CHMP4B: variants seen among roughly 807,000 people sequenced by gnomAD.
CHMP4B encodes the protein charged multivesicular body protein 4B, also known as SNF7 homolog associated with Alix 1.
CHMP4B carries 1 observed loss-of-function variant against 25.1 expected under a neutral mutation model. The ratio of observed to expected loss-of-function variants is 0.04; its 90% CI spans 0.01 to 0.19. The LOEUF (loss-of-function observed/expected upper bound fraction) is 0.19. Ranked by LOEUF, CHMP4B falls within the 10% of genes least tolerant of loss-of-function variation. The probability of loss-of-function intolerance (pLI) is 1.00; values close to 1 mark genes in which losing one functional copy is unlikely to be tolerated. For missense variants in CHMP4B, 151 were observed against 289.7 expected (o/e 0.52, Z 3.48); for synonymous variants, 101 against 115.6 (o/e 0.87, Z 0.81).
chr20:33,821,650 A>G (rs764370621), intron 1 of CHMP4B, among the ~76,000 whole-genome samples: 4 of 151,790 alleles, frequency 2.6e-5, no homozygotes, highest in African/African-American at 7.3e-5. Flanking sequence ...TAGGCTGGGT[A>G]TGGTGACTCA....
At chr20:33,814,821 CA>C (rs1486143453) in intron 1 of CHMP4B, among the ~76,000 whole-genome samples, 4 of 151,338 alleles carry the variant, frequency 2.6e-5, no homozygotes, top group African/African-American at 9.8e-5. Flanking sequence ...TAATTCAAAA[CA>C]TTTTTTTTTG....
chr20:33,852,843 A>G lies in CHMP4B; in HGVS notation c.610+640A>G, dbSNP rs181568580. ...TTGACTCCTTTAGAGACCTGATTCT[A>G]TAAAACCTTCATTTCCTCCCTTCAT... is the stretch of plus-strand genomic sequence containing the variant. On this transcript the variant is annotated intron_variant, in intron 4 of 4. Coordinates refer to ENST00000217402, the MANE Select transcript of CHMP4B (RefSeq NM_176812.5). 5.3e-5 allele frequency among the ~76,000 whole-genome samples: 8 copies of G among 152,324 alleles called. No individual in the cohort carries two copies. In the East Asian group the frequency reaches 1.5e-3, roughly 29 times the overall value.
At chr20:33,853,437 C>T (rs530638921) in intron 4 of CHMP4B, 59 bp from the exon 5 acceptor site, 13 of 1,525,942 alleles carry the variant, frequency 8.5e-6, no homozygotes, top group East Asian at 2.3e-5. Flanking sequence ...CCCTCATTTC[C>T]GGCCAGAACA....
rs377633958 is a variant in CHMP4B, at chr20:33,851,043, G to A, written c.460G>A (p.Gly154Arg). Reference sequence around the variant, plus strand: ...TTCAACAGCAATTTCGAAACCTGTAGGGTTTGGAGAAGAGTTTGACGAGGT... The same window carrying A: ...TTCAACAGCAATTTCGAAACCTGTAAGGTTTGGAGAAGAGTTTGACGAGGT... ...EISTAISKPV[G>R]FGEEFDEDEL... The change falls in exon 3 of 5, where the codon GGG (glycine) becomes AGG (arginine). Residue 154 changes from glycine to arginine, a missense_variant. Gly to Arg is a moderately radical substitution (Grantham distance 125, BLOSUM62 -2). Transcript: ENST00000217402. 6 of 1,611,126 alleles carry A rather than the reference G, an allele frequency of 3.7e-6. No individual in the cohort carries two copies. Among genetic ancestry groups the A allele is most frequent in the Non-Finnish European group, 5.1e-6 (6 of 1,177,374 alleles).
chr20:33,838,441 G>A lies in CHMP4B; in HGVS notation c.191-10026G>A, dbSNP rs573414315. ...GGCTGCTGCTCTGCTCTAGTGGATCGTTGCTAGGTGGCAGTGTGGGCTCAG... is the reference window on the plus strand; with the variant it reads ...GGCTGCTGCTCTGCTCTAGTGGATCATTGCTAGGTGGCAGTGTGGGCTCAG... On this transcript the variant is annotated intron_variant, in intron 1 of 4. Coordinates refer to ENST00000217402, the MANE Select transcript of CHMP4B (RefSeq NM_176812.5). 4.6e-5 allele frequency among the ~76,000 whole-genome samples: 7 copies of A among 152,272 alleles called. 1 individual carries two copies. In the South Asian group the frequency reaches 6.2e-4, roughly 14 times the overall value.
chr20:33,822,577 G>A (rs1978972646), intron 1 of CHMP4B, among the ~76,000 whole-genome samples: 1 of 152,232 alleles, frequency 6.6e-6, no homozygotes, highest in Non-Finnish European at 1.5e-5. Flanking sequence ...GACTTTGGGT[G>A]TCAAGTTGTA....
intron 1 of CHMP4B, among the ~76,000 whole-genome samples, chr20:33,822,490 C>G (rs1978970016): frequency 1.3e-5 from 2 of 152,170 alleles, no homozygotes; most frequent in South Asian, 4.1e-4. Context: ...TTTCATCTCT[C>G]CAAAGCATGT....
rs746793442 is a variant in CHMP4B, at chr20:33,830,933, G to GTTGTTTTTTTTTT, written c.191-17532_191-17531insGTTTTTTTTTTTT. On this transcript the variant is annotated intron_variant, in intron 1 of 4. Transcript: ENST00000217402. ...TGAATTAATTGTTCAAAGGAACAGA[G>GTTGTTTTTTTTTT]TTTTTTTTTTTTTTTTAGTTTTTTT... Among the ~76,000 whole-genome samples, 50 of 102,572 alleles carry GTTGTTTTTTTTTT rather than the reference G, an allele frequency of 4.9e-4. 1 individual carries two copies. The highest frequency in any genetic ancestry group is 1.8e-3 in the African/African-American group (50 of 27,434). The allele number at this position is 102,572 out of a possible 152,430, so 67.3% of individuals were successfully genotyped here. A position where few individuals can be genotyped will look rare whatever the true frequency, so the allele number is the denominator to read the frequency against.
In CHMP4B at chr20:33,851,004, C is replaced by G. The variant is rs942721583; in HGVS notation, c.421C>G (p.Leu141Val). The change falls in exon 3 of 5, where the codon CTT becomes GTT. Residue 141 changes from leucine to valine, a missense_variant. Physicochemically the swap from Leu to Val is conservative, Grantham distance 32. Around this residue, in one of 3 missense-constraint regions of CHMP4B, gnomAD observed 82 missense variants for 208.3 expected, o/e 0.39. Coordinates refer to ENST00000217402, the MANE Select transcript of CHMP4B (RefSeq NM_176812.5). The stretch of plus-strand genomic sequence containing the variant: ...GCAGGACATTGCTGACCAGCAAGAA[C>G]TTGCAGAGGAGATTTCAACAGCAAT... ...LMQDIADQQE[L>V]AEEISTAISK... The G allele has an allele frequency of 2.5e-6, 4 of 1,614,072 alleles. No individual in the cohort carries two copies. In the African/African-American group the frequency reaches 5.3e-5, roughly 22 times the overall value.
intron 1 of CHMP4B, among the ~76,000 whole-genome samples, chr20:33,813,633 G>T (rs997542682): frequency 1.3e-5 from 2 of 152,166 alleles, no homozygotes; most frequent in Non-Finnish European, 2.9e-5. Flanking sequence ...TTAGCTTTCT[G>T]CATTTTGGAA....
intron 1 of CHMP4B, among the ~76,000 whole-genome samples, chr20:33,836,418 A>G (rs1979392841): frequency 6.6e-6 from 1 of 151,634 alleles, no homozygotes; most frequent in Non-Finnish European, 1.5e-5. Flanking sequence ...GTTAATCCCT[A>G]CTATTAAGAC....
chr20:33,825,853 C>T (rs1034753780), intron 1 of CHMP4B, among the ~76,000 whole-genome samples: 3 of 152,190 alleles, frequency 2.0e-5, no homozygotes, highest in Non-Finnish European at 4.4e-5. Context: ...GCCAAGCCCA[C>T]ACAAAGGGTC....
At chr20:33,845,660 G>A (rs1979669271) in intron 1 of CHMP4B, among the ~76,000 whole-genome samples, 2 of 152,202 alleles carry the variant, frequency 1.3e-5, no homozygotes, top group Admixed American at 6.5e-5. Context: ...GGGCTGGACT[G>A]TGGGTGATGG....
chr20:33,811,657 C>T lies in CHMP4B; in HGVS notation c.189C>T (p.Arg63=), dbSNP rs1317815526. ...AAKKHGTKNK[R]AALQALKRKK... is the part of the protein sequence containing the mutation. ...AGAAGCACGGCACCAAAAACAAGCG[C>T]GGTGAGGCTGCCCGGCCCCTTCAGA... The change falls in exon 1 of 5, where the codon CGC becomes CGT. Residue 63 remains arginine (R), a splice_region_variant and synonymous_variant. Transcript: ENST00000217402. 3.1e-6 allele frequency: 5 copies of T among 1,613,044 alleles called. No homozygotes were observed. The highest frequency in any genetic ancestry group is 1.7e-5 in the Admixed American group (1 of 59,890).
chr20:33,814,878 T>C (rs1345320215), intron 1 of CHMP4B, among the ~76,000 whole-genome samples: 1 of 152,214 alleles, frequency 6.6e-6, no homozygotes, highest in Non-Finnish European at 1.5e-5. Context: ...CTCAAACTCC[T>C]GGCCTCGAGC....
rs1021531261 is a variant in CHMP4B, at chr20:33,848,629, C to T, written c.353C>T (p.Ala118Val). 6 of 1,614,096 alleles carry T rather than the reference C, an allele frequency of 3.7e-6. No individual in the cohort carries two copies. The highest frequency in any genetic ancestry group is 1.1e-5 in the South Asian group (1 of 91,090). ...NMGYAAKAMK[A>V]AHDNMDIDKV... ...GGCTATGCCGCCAAGGCCATGAAGG[C>T]GGCCCATGACAACATGTACGTGTCC... The change falls in exon 2 of 5, where the codon GCG (alanine) becomes GTG (valine). Residue 118 changes from alanine to valine, a missense_variant. Around this residue, in one of 3 missense-constraint regions of CHMP4B, gnomAD observed 82 missense variants for 208.3 expected, o/e 0.39. Coordinates refer to ENST00000217402, the MANE Select transcript of CHMP4B (RefSeq NM_176812.5).
chr20:33,818,285 G>A (rs1178386181), intron 1 of CHMP4B, among the ~76,000 whole-genome samples: 1 of 152,184 alleles, frequency 6.6e-6, no homozygotes, highest in African/African-American at 2.4e-5. Flanking sequence ...ATGAGAAAAG[G>A]CAAACCCCAA....
chr20:33,822,166 C>T (rs1022030462), intron 1 of CHMP4B, among the ~76,000 whole-genome samples: 3 of 151,720 alleles, frequency 2.0e-5, no homozygotes, highest in Admixed American at 6.6e-5. Context: ...TTTGAGAGTA[C>T]TGAGTCTCTC....
rs150752063 is a variant in CHMP4B, at chr20:33,849,123, C to G, written c.368+479C>G. On this transcript the variant is annotated intron_variant, in intron 2 of 4. Coordinates refer to ENST00000217402, the MANE Select transcript of CHMP4B (RefSeq NM_176812.5). ...GTCTGCTTTTGATGGCGTTTTCTGC[C>G]TCCTCTCTTGCTCTCCGGCTGTAGC... 2.1e-3 allele frequency among the ~76,000 whole-genome samples: 325 copies of G among 152,296 alleles called. 1 individual carries two copies. The highest frequency in any genetic ancestry group is 7.7e-3 in the African/African-American group (320 of 41,548).
Sources: gnomAD v4.1 joint callset for allele counts (sites outside exome capture counted in the v4.1 genomes callset) on GRCh38, gnomAD v4.1.1 for gene constraint, gnomAD v4.1.1 regional missense constraint, MANE v1.5 for transcripts, NCBI Gene and HGNC (gene_info 2026-07-23, HGNC 2026-07-21) for gene names.